Variants in CIMAP2 observed in about 807,000 individuals in gnomAD.
CIMAP2 encodes the protein ciliary microtubule-associated protein 2.
chr1:54,808,612 C>CGG, the CIMAP2 span, among the ~76,000 whole-genome samples: 10 of 67,344 alleles, frequency 1.5e-4, 1 homozygote, highest in Admixed American at 7.3e-4. Context: ...CAGGTGCTGC[C>CGG]GGGGGAGGGC....
At chr1:54,818,855 C>T in the CIMAP2 span, among the ~76,000 whole-genome samples, 2 of 152,266 alleles carry the variant, frequency 1.3e-5, no homozygotes, top group African/African-American at 4.8e-5. Context: ...AGCCTCCCAA[C>T]GTGCTGGGAT....
chr1:54,815,332 T>C, the CIMAP2 span, among the ~76,000 whole-genome samples: 3 of 152,228 alleles, frequency 2.0e-5, no homozygotes, highest in African/African-American at 7.2e-5. Flanking sequence ...GAATTTGCAT[T>C]ACCAACAAGT....
chr1:54,829,293 T>C, the CIMAP2 span, among the ~76,000 whole-genome samples: 2 of 152,218 alleles, frequency 1.3e-5, no homozygotes, highest in African/African-American at 4.8e-5. Context: ...TTCCCATCTG[T>C]AAAAACAGAA....
At chr1:54,811,766 C>CGGGCGGGGGGG in the CIMAP2 span, 1 of 1,305,190 alleles carries the variant, frequency 7.7e-7, no homozygotes. Context: ...GTTCTGACAG[C>CGGGCGGGGGGG]CTCCATGCCC....
At chr1:54,811,765 G>GCGGGGGGGGGGCCCCCCCCCCCCCCCCC in the CIMAP2 span, 1 of 1,301,328 alleles carries the variant, frequency 7.7e-7, no homozygotes. Context: ...GGTTCTGACA[G>GCGGGGGGGGGGCCCCCCCCCCCCCCCCC]CCTCCATGCC....
chr1:54,823,115 C>T, the CIMAP2 span, among the ~76,000 whole-genome samples: 2 of 151,874 alleles, frequency 1.3e-5, no homozygotes, highest in Admixed American at 6.6e-5. Flanking sequence ...GATTAAGTCT[C>T]ATTTTTTCGT....
At chr1:54,807,791 G>C in the CIMAP2 span, 1 of 1,510,486 alleles carries the variant, frequency 6.6e-7, no homozygotes, top group Non-Finnish European at 8.8e-7. Flanking sequence ...AGGCCAGATG[G>C]AGATTATCCT....
At chr1:54,824,806 ATC>A in the CIMAP2 span, among the ~76,000 whole-genome samples, 1 of 151,472 alleles carries the variant, frequency 6.6e-6, no homozygotes, top group Non-Finnish European at 1.5e-5. Flanking sequence ...TGTAATTTTT[ATC>A]TGTTTTCTCT....
the CIMAP2 span, chr1:54,814,061 A>T: frequency 3.5e-6 from 5 of 1,428,140 alleles, no homozygotes; most frequent in South Asian, 4.4e-5. Flanking sequence ...GGCTAATTTC[A>T]TAGGGAATAG....
the CIMAP2 span, among the ~76,000 whole-genome samples, chr1:54,822,159 A>G: frequency 1.0e-5 from 1 of 98,498 alleles, no homozygotes; most frequent in Non-Finnish European, 2.3e-5. Context: ...CGGCCTCCCA[A>G]AGTGCTGGGA....
chr1:54,806,399 C>G, the CIMAP2 span, among the ~76,000 whole-genome samples: 1 of 152,162 alleles, frequency 6.6e-6, no homozygotes, highest in South Asian at 2.1e-4. Context: ...TTTCTCTCCC[C>G]CTCTTGCTTA....
chr1:54,841,968 T>G, the CIMAP2 span: 1 of 1,282,088 alleles, frequency 7.8e-7, no homozygotes, highest in Admixed American at 2.1e-5. Flanking sequence ...GTGGGGTGTC[T>G]TAGAGAAAGG....
chr1:54,811,006 G>A, the CIMAP2 span, among the ~76,000 whole-genome samples: 1 of 152,148 alleles, frequency 6.6e-6, no homozygotes, highest in African/African-American at 2.4e-5. Flanking sequence ...TGACATGGTG[G>A]GCTCCTCGCT....
chr1:54,814,403 C>T, the CIMAP2 span, among the ~76,000 whole-genome samples: 1 of 152,220 alleles, frequency 6.6e-6, no homozygotes, highest in East Asian at 1.9e-4. Flanking sequence ...GCACTCGGCC[C>T]TAGTGTCAAA....
the CIMAP2 span, chr1:54,814,088 G>C: frequency 1.5e-6 from 2 of 1,316,668 alleles, no homozygotes; most frequent in Non-Finnish European, 2.0e-6. Flanking sequence ...CTTGGGATCA[G>C]ACTGACTTGG....
At chr1:54,834,275 T>A in the CIMAP2 span, among the ~76,000 whole-genome samples, 1 of 152,232 alleles carries the variant, frequency 6.6e-6, no homozygotes, top group South Asian at 2.1e-4. Context: ...AGAACTTTTC[T>A]ACTTTCCAGC....
At chr1:54,838,223 C>T in the CIMAP2 span, among the ~76,000 whole-genome samples, 1 of 152,222 alleles carries the variant, frequency 6.6e-6, no homozygotes, top group Non-Finnish European at 1.5e-5. Context: ...TAGTTCATGC[C>T]TGTAATCCCA....
At chr1:54,820,112 C>CTCTTTCTTTCTTTCTTTCTTTCTTTCTT in the CIMAP2 span, among the ~76,000 whole-genome samples, 11 of 8,310 alleles carry the variant, frequency 1.3e-3, no homozygotes, top group Admixed American at 4.8e-3. Flanking sequence ...TTCTCTCTCT[C>CTCTTTCTTTCTTTCTTTCTTTCTTTCTT]TCTTTCTTTC....
the CIMAP2 span, among the ~76,000 whole-genome samples, chr1:54,834,029 G>T: frequency 6.6e-6 from 1 of 152,034 alleles, no homozygotes; most frequent in East Asian, 1.9e-4. Flanking sequence ...GTAAAGATGG[G>T]GTTTCACCAT....
Sources: gnomAD v4.1 joint callset for allele counts (sites outside exome capture counted in the v4.1 genomes callset) on GRCh38, gnomAD v4.1.1 for gene constraint, MANE v1.5 for transcripts, NCBI Gene and HGNC (gene_info 2026-07-23, HGNC 2026-07-21) for gene names.